Variants in GPHN observed in about 807,000 individuals in gnomAD.
The protein encoded by GPHN is gephyrin.
Under a neutral mutation model 95.5 loss-of-function variants are expected in GPHN, and 17 were observed. The ratio of observed to expected loss-of-function variants is 0.18; its 90% CI spans 0.12 to 0.27. GPHN has a LOEUF of 0.27. Ranked by LOEUF, GPHN falls within the 10% of genes least tolerant of loss-of-function variation. GPHN has a pLI of 1.00. For synonymous variants in GPHN, 320 were observed against 322.5 expected (o/e 0.99, Z 0.08); for missense variants, 660 against 978.1 (o/e 0.67, Z 4.34).
At chr14:67,278,651 A>G in the GPHN span, among the ~76,000 whole-genome samples, 1 of 152,224 alleles carries the variant, frequency 6.6e-6, no homozygotes, top group Non-Finnish European at 1.5e-5. Context: ...TACAGTGTTG[A>G]GACAACTACT....
intron 1 of GPHN, among the ~76,000 whole-genome samples, chr14:66,667,849 T>C (rs540852373): frequency 3.3e-5 from 5 of 152,166 alleles, no homozygotes; most frequent in Non-Finnish European, 4.4e-5. Flanking sequence ...ACAGAGTAAA[T>C]AGACAACCTA....
At chr14:67,239,295 G>A in the GPHN span, among the ~76,000 whole-genome samples, 1 of 152,210 alleles carries the variant, frequency 6.6e-6, no homozygotes, top group South Asian at 2.1e-4. Context: ...CTTACCTGAA[G>A]ATGATTTTGC....
intron 1 of GPHN, among the ~76,000 whole-genome samples, chr14:66,528,447 A>T (rs2058778746): frequency 6.6e-6 from 1 of 152,162 alleles, no homozygotes; most frequent in Non-Finnish European, 1.5e-5. Flanking sequence ...TAATTGGGGC[A>T]TTTAGCCCAT....
At chr14:67,577,929 A>G in the GPHN span, 1 of 1,156,474 alleles carries the variant, frequency 8.6e-7, no homozygotes, top group Non-Finnish European at 1.2e-6. Context: ...GTAAACTCTA[A>G]CCTCCCTGGA....
the GPHN span, among the ~76,000 whole-genome samples, chr14:67,536,805 G>A: frequency 2.7e-4 from 41 of 151,988 alleles, 1 homozygote; most frequent in South Asian, 8.5e-3. Flanking sequence ...CACTTTGGGA[G>A]GCCAAGGCAG....
At chr14:66,689,103 C>A (rs944955792) in intron 2 of GPHN, among the ~76,000 whole-genome samples, 2 of 151,862 alleles carry the variant, frequency 1.3e-5, no homozygotes, top group African/African-American at 4.8e-5. Flanking sequence ...AAGTGAGCAT[C>A]TTTTTTTTGT....
chr14:67,664,795 G>A, the GPHN span, among the ~76,000 whole-genome samples: 1 of 152,200 alleles, frequency 6.6e-6, no homozygotes, highest in African/African-American at 2.4e-5. Context: ...GGCTTATGGA[G>A]AAATGGCATG....
the GPHN span, among the ~76,000 whole-genome samples, chr14:67,246,480 T>C: frequency 3.3e-5 from 5 of 152,120 alleles, no homozygotes; most frequent in South Asian, 1.0e-3. Flanking sequence ...GCTGGTACTA[T>C]AGGTACATGC....
At chr14:67,580,447 G>C in the GPHN span, 2 of 170,928 alleles carry the variant, frequency 1.2e-5, no homozygotes, top group African/African-American at 2.4e-5. Flanking sequence ...CTAGCACTTT[G>C]ATGCATATTT....
chr14:67,564,887 T>C, the GPHN span, among the ~76,000 whole-genome samples: 2 of 152,066 alleles, frequency 1.3e-5, no homozygotes, highest in Non-Finnish European at 2.9e-5. Flanking sequence ...GGGCTAACAC[T>C]ATGCTGTTGC....
intron 2 of GPHN, among the ~76,000 whole-genome samples, chr14:66,697,495 G>A (rs1438561017): frequency 6.6e-6 from 1 of 152,080 alleles, no homozygotes; most frequent in Non-Finnish European, 1.5e-5. Flanking sequence ...AGTATTGAAT[G>A]ATGTTAAGAA....
At chr14:67,046,156 A>G (rs137963877) in intron 10 of GPHN, among the ~76,000 whole-genome samples, 2 of 151,722 alleles carry the variant, frequency 1.3e-5, no homozygotes, top group Non-Finnish European at 2.9e-5. Flanking sequence ...ATTTTATTAA[A>G]TAGATTAAAA....
At chr14:67,208,183 C>T in the GPHN span, 2 of 1,612,194 alleles carry the variant, frequency 1.2e-6, no homozygotes, top group African/African-American at 2.7e-5. Context: ...TGATTTGCTG[C>T]TGCTTTTTAT....
At chr14:66,744,029 G>A (rs1348783945) in intron 2 of GPHN, among the ~76,000 whole-genome samples, 1 of 152,024 alleles carries the variant, frequency 6.6e-6, no homozygotes, top group East Asian at 1.9e-4. Flanking sequence ...TAGGCTCCAA[G>A]CTTTCTCCTT....
At chr14:66,981,044 C>T (rs763443694) in intron 9 of GPHN, among the ~76,000 whole-genome samples, 133 of 152,206 alleles carry the variant, frequency 8.7e-4, no homozygotes, top group Non-Finnish European at 1.2e-3. Context: ...AGTGAAACTC[C>T]GTCTCAAAAG....
intron 11 of GPHN, among the ~76,000 whole-genome samples, chr14:67,061,718 C>T (rs578017349): frequency 1.3e-5 from 2 of 152,144 alleles, no homozygotes; most frequent in South Asian, 4.1e-4. Flanking sequence ...CACTATGTTT[C>T]CCAGGCTGGC....
chr14:66,963,495 T>C (rs2069102716), intron 8 of GPHN, among the ~76,000 whole-genome samples: 1 of 152,030 alleles, frequency 6.6e-6, no homozygotes, highest in Non-Finnish European at 1.5e-5. Flanking sequence ...CGTATAAATG[T>C]TGTGATACTT....
intron 18 of GPHN, among the ~76,000 whole-genome samples, chr14:67,154,323 C>T (rs2153713079): frequency 6.6e-6 from 1 of 152,282 alleles, no homozygotes; most frequent in South Asian, 2.1e-4. Context: ...TTTCCTATTC[C>T]CCACACCCTC....
At chr14:66,722,176 T>C (rs1391825428) in intron 2 of GPHN, among the ~76,000 whole-genome samples, 1 of 152,094 alleles carries the variant, frequency 6.6e-6, no homozygotes, top group Non-Finnish European at 1.5e-5. Flanking sequence ...ACTTTTAACA[T>C]TGAAAGGATT....
Sources: allele counts gnomAD v4.1 joint callset (sites outside exome capture counted in the v4.1 genomes callset), GRCh38; gene constraint gnomAD v4.1.1; transcripts MANE v1.5; gene names NCBI Gene and HGNC (gene_info 2026-07-23, HGNC 2026-07-21).